The following DCUN1D1 variants were observed in gnomAD, a reference collection of about 807,000 sequenced individuals.
DCUN1D1 encodes the protein DCN1-like protein 1.
DCUN1D1 carries 3 observed loss-of-function variants against 39.0 expected under a neutral mutation model. That is an observed-to-expected ratio of 0.08 (90% CI 0.04 to 0.20). The LOEUF (loss-of-function observed/expected upper bound fraction) is 0.20. Ranked by LOEUF, DCUN1D1 falls within the 10% of genes least tolerant of loss-of-function variation. DCUN1D1 has a pLI of 1.00. For missense variants in DCUN1D1, 158 were observed against 302.4 expected, an observed-to-expected ratio of 0.52 and a Z score of 3.54; for synonymous variants, 82 against 96.3, an observed-to-expected ratio of 0.85 and a Z score of 0.87.
Position 182,939,208 on chromosome 3 carries a change from A to G in DCUN1D1, c.*5886T>C, listed in dbSNP as rs750744975. 1 of 152,216 alleles carries G rather than the reference A, an allele frequency of 6.6e-6. No individual in the cohort carries two copies. Among genetic ancestry groups the G allele is most frequent in the Non-Finnish European group, 1.5e-5 (1 of 68,044 alleles). 9.4% of individuals were successfully genotyped at this position (152,216 alleles called of 1,614,324 possible). On this transcript the variant is annotated 3_prime_UTR_variant, in exon 7 of 7. Transcript: ENST00000292782. ...CGCCAGGATGGCTGCAATAAAAAAG[A>G]CAAGTATTGGCAAGGATGTGCAGAC...
chr3:182,947,237 CCTT>C lies in DCUN1D1; in HGVS notation c.698_700del (p.Glu233del). On this transcript the variant is annotated inframe_deletion and splice_region_variant, in exon 6 of 7. Coordinates refer to ENST00000292782, the MANE Select transcript of DCUN1D1 (RefSeq NM_020640.4). ...AGTGGTGTGGCAAAAATTTTCATTACCTTCTTCATCATAATTAGACATGTCATC... is the reference window on the plus strand; with the variant it reads ...AGTGGTGTGGCAAAAATTTTCATTACCTTCATCATAATTAGACATGTCATC... The C allele has an allele frequency of 6.3e-7, 1 of 1,575,726 alleles. No homozygotes were observed. The highest frequency in any genetic ancestry group is 8.6e-7 in the Non-Finnish European group (1 of 1,162,118).
chr3:182,940,752 T>C lies in DCUN1D1; in HGVS notation c.*4342A>G, dbSNP rs1726099805. The C allele has an allele frequency of 6.6e-6, 1 of 152,170 alleles. No individual in the cohort carries two copies. The highest frequency in any genetic ancestry group is 6.5e-5 in the Admixed American group (1 of 15,272). 9.4% of individuals were successfully genotyped at this position (152,170 alleles called of 1,614,324 possible). A position where few individuals can be genotyped will look rare whatever the true frequency, so the allele number is the denominator to read the frequency against. ...CTCTGAAGTATTACAAGCTACATTATGATTTCTGCACAGCATGATGGCAAA... is the reference window on the plus strand; with the variant it reads ...CTCTGAAGTATTACAAGCTACATTACGATTTCTGCACAGCATGATGGCAAA... On this transcript the variant is annotated 3_prime_UTR_variant, in exon 7 of 7. Coordinates refer to ENST00000292782, the MANE Select transcript of DCUN1D1 (RefSeq NM_020640.4).
chr3:182,947,886 T>A (rs1301432079), intron 4 of DCUN1D1, among the ~76,000 whole-genome samples: 1 of 152,216 alleles, frequency 6.6e-6, no homozygotes, highest in Non-Finnish European at 1.5e-5. Flanking sequence ...GTGTTTTAAA[T>A]TAGAGAATGC....
intron 1 of DCUN1D1, among the ~76,000 whole-genome samples, chr3:182,973,872 ACTTTT>A (rs1466633542): frequency 6.6e-6 from 1 of 152,162 alleles, no homozygotes; most frequent in African/African-American, 2.4e-5. Flanking sequence ...ACTTTTGTAT[ACTTTT>A]CTTAACAGGT....
At chr3:182,949,571 T>G (rs1443917611) in intron 4 of DCUN1D1, among the ~76,000 whole-genome samples, 1 of 151,878 alleles carries the variant, frequency 6.6e-6, no homozygotes, top group Non-Finnish European at 1.5e-5. Context: ...AATTTAAAAA[T>G]TAGCCATTCA....
upstream of DCUN1D1, chr3:182,980,701 G>A (rs1728506310): frequency 2.3e-6 from 1 of 440,420 alleles, no homozygotes; most frequent in African/African-American, 2.2e-5. Flanking sequence ...TCCCCCGGGC[G>A]CGGGGGTCCC....
chr3:182,956,696 A>T (rs1186306519), intron 4 of DCUN1D1, among the ~76,000 whole-genome samples: 1 of 152,268 alleles, frequency 6.6e-6, no homozygotes, highest in Non-Finnish European at 1.5e-5. Context: ...AATCAATTGT[A>T]GAGGTATAAG....
intron 1 of DCUN1D1, among the ~76,000 whole-genome samples, chr3:182,979,077 GACCATCTAAATACTTAAGAAACTAGAA>G (rs1210145431): frequency 5.3e-5 from 8 of 152,172 alleles, no homozygotes; most frequent in Non-Finnish European, 1.2e-4. Context: ...TAATGTCTAT[GACCATCTAAATACTTAAGAAACTAGAA>G]ACTGTTTAGA....
intron 3 of DCUN1D1, 110 bp from the exon 4 acceptor site, chr3:182,961,466 A>G: frequency 9.8e-7 from 1 of 1,021,074 alleles, no homozygotes. Context: ...TTTTTTAAAA[A>G]TCAAATAGTT....
At chr3:182,946,254 A>C (rs1726393264) in intron 6 of DCUN1D1, among the ~76,000 whole-genome samples, 1 of 152,138 alleles carries the variant, frequency 6.6e-6, no homozygotes, top group African/African-American at 2.4e-5. Flanking sequence ...TAGGCGGCTG[A>C]AGTAAGTTTC....
intron 4 of DCUN1D1, 29 bp downstream of exon 4, chr3:182,961,197 C>A: frequency 7.1e-7 from 1 of 1,410,922 alleles, no homozygotes. Flanking sequence ...ATATCTGAAA[C>A]ACCAAATATA....
chr3:182,975,260 T>C (rs1728164920), intron 1 of DCUN1D1, among the ~76,000 whole-genome samples: 1 of 150,294 alleles, frequency 6.7e-6, no homozygotes, highest in Non-Finnish European at 1.5e-5. Context: ...CACTGCAAGC[T>C]CCACCTCCTG....
chr3:182,983,319 A>T (rs760921686), upstream of DCUN1D1, among the ~76,000 whole-genome samples: 47 of 152,296 alleles, frequency 3.1e-4, no homozygotes, highest in Middle Eastern at 3.4e-3. Context: ...GACACATACT[A>T]ACTCATATAA....
At chr3:182,950,699 G>A (rs1238825185) in intron 4 of DCUN1D1, 3 of 151,704 alleles carry the variant, frequency 2.0e-5, no homozygotes, top group East Asian at 3.9e-4. Flanking sequence ...CATGTTTTAA[G>A]AGAACTAAAA....
chr3:182,975,629 G>A (rs1270911634), intron 1 of DCUN1D1, among the ~76,000 whole-genome samples: 2 of 147,098 alleles, frequency 1.4e-5, no homozygotes, highest in Non-Finnish European at 3.0e-5. Context: ...GAAGAAACCA[G>A]AGTAAAACTA....
intron 1 of DCUN1D1, chr3:182,980,145 G>GGGCCCCCCCCCCC: frequency 1.2e-6 from 1 of 838,494 alleles, no homozygotes. Flanking sequence ...CAAGGCCGTT[G>GGGCCCCCCCCCCC]CCCCCTCCCC....
At chr3:182,975,002 T>G (rs971028867) in intron 1 of DCUN1D1, among the ~76,000 whole-genome samples, 4 of 152,274 alleles carry the variant, frequency 2.6e-5, no homozygotes, top group South Asian at 2.1e-4. Context: ...ACTATTTCTC[T>G]TCATCAAATT....
chr3:182,957,083 G>A (rs957526816), intron 4 of DCUN1D1, among the ~76,000 whole-genome samples: 6 of 152,162 alleles, frequency 3.9e-5, no homozygotes, highest in Admixed American at 2.0e-4. Context: ...GTTGCACTGG[G>A]GGACAAGTAA....
At position 182,965,772 on chromosome 3, in the gene DCUN1D1, A is replaced by C. The variant is rs1162644099; in HGVS notation, c.4-19T>G. 1 of 1,532,340 alleles carries C rather than the reference A, an allele frequency of 6.5e-7. No homozygotes were observed. The highest frequency in any genetic ancestry group is 1.4e-5 in the African/African-American group (1 of 73,012). 94.9% of individuals were successfully genotyped at this position (1,532,340 alleles called of 1,614,324 possible). A position where few individuals can be genotyped will look rare whatever the true frequency, so the allele number is the denominator to read the frequency against. ...ACTTGTTCTATTGAAACCAGAAAAT[A>C]AACTGAAACTCTATGTAAAATCACA... On this transcript the variant is annotated intron_variant, in intron 1 of 6. Coordinates refer to ENST00000292782, the MANE Select transcript of DCUN1D1 (RefSeq NM_020640.4).
Sources: allele counts gnomAD v4.1 joint callset (sites outside exome capture counted in the v4.1 genomes callset), GRCh38; gene constraint gnomAD v4.1.1; transcripts MANE v1.5; gene names NCBI Gene and HGNC (gene_info 2026-07-23, HGNC 2026-07-21).